Variants in RHNO1 observed in about 807,000 individuals in gnomAD.
RHNO1 encodes the protein RAD9-HUS1-RAD1 interacting nuclear orphan 1.
In RHNO1, 9 loss-of-function variants were observed where a neutral mutation model predicts 7.2. The observed-to-expected ratio is 1.25, with a 90% CI of 0.75 to 2.18. RHNO1 has a LOEUF of 2.18. RHNO1 is among the 30% of genes most tolerant of loss of function. RHNO1 has a pLI of 0.00. For missense variants in RHNO1, 292 were observed against 284.5 expected (o/e 1.03, Z -0.19); for synonymous variants, 95 against 107.5 (o/e 0.88, Z 0.72).
rs2098163853 is a variant in RHNO1 at position 2,885,275 on chromosome 12, C to T, written c.-84-8C>T. The T allele has an allele frequency of 3.2e-5, 36 of 1,125,824 alleles. No individual in the cohort carries two copies. The highest frequency in any genetic ancestry group is 6.3e-5 in the African/African-American group (4 of 63,234). The allele number at this position is 1,125,824 out of a possible 1,614,324, so 69.7% of individuals were successfully genotyped here. On this transcript the variant is annotated splice_polypyrimidine_tract_variant and splice_region_variant and intron_variant, in intron 1 of 2. Transcript: ENST00000489288. ...TATTTGCTCCCAGCTTTTGTTTCTT[C>T]TCTACAGGCATGGGTTGGAATTGGA...
chr12:2,884,085 G>A (rs1205376821), intron 1 of RHNO1, among the ~76,000 whole-genome samples: 3 of 151,768 alleles, frequency 2.0e-5, no homozygotes, highest in Non-Finnish European at 2.9e-5. Flanking sequence ...TTTTGGAGAC[G>A]AGTCTCGCTT....
chr12:2,884,971 A>T (rs1428013880), intron 1 of RHNO1, among the ~76,000 whole-genome samples: 3 of 152,168 alleles, frequency 2.0e-5, no homozygotes, highest in Non-Finnish European at 4.4e-5. Flanking sequence ...CCTTTGCTAG[A>T]CTTTCAGCTC....
intron 1 of RHNO1, among the ~76,000 whole-genome samples, chr12:2,879,739 T>C (rs571371613): frequency 4.0e-5 from 6 of 151,886 alleles, no homozygotes; most frequent in Non-Finnish European, 5.9e-5. Flanking sequence ...TATATAAATA[T>C]TGAAGTCATC....
At position 2,885,487 on chromosome 12, in the gene RHNO1, C is replaced by G; in HGVS notation, c.121C>G (p.Arg41Gly). 1 of 1,613,554 alleles carries G rather than the reference C, an allele frequency of 6.2e-7. No homozygotes were observed. The highest frequency in any genetic ancestry group is 8.5e-7 in the Non-Finnish European group (1 of 1,179,912). The change falls in exon 2 of 3, where the codon CGA becomes GGA. Residue 41 changes from arginine to glycine, a missense_variant. Transcript: ENST00000489288. ...ASTQLPITHT[R>G]QVPSKPIDHS... is the part of the protein sequence containing the mutation. ...TACACAGCTTCCCATCACTCACACT[C>G]GACAGGTGCCCAGCAAGCCCATTGA... is the stretch of plus-strand genomic sequence containing the variant.
chr12:2,878,303 A>AGCCACTGCACTCCAGCCTGGACTCCG (rs1565485076), intron 1 of RHNO1, among the ~76,000 whole-genome samples: 1 of 152,142 alleles, frequency 6.6e-6, no homozygotes, highest in African/African-American at 2.4e-5. Context: ...TTGGTGTGAG[A>AGCCACTGCACTCCAGCCTGGACTCCG]TCTGATGCCT....
chr12:2,884,999 C>A (rs1025570547), intron 1 of RHNO1, among the ~76,000 whole-genome samples: 2 of 152,186 alleles, frequency 1.3e-5, no homozygotes, highest in African/African-American at 2.4e-5. Context: ...CAGGGATGAC[C>A]TCTGTATCAC....
Position 2,888,613 on chromosome 12 carries a change from C to T in RHNO1, c.*154C>T, listed in dbSNP as rs190965459. Reference sequence around the variant, plus strand: ...TATGATCTCACCTTACTGCAACCACCACTTCCTGGGTTCAAGCGATTCTCC... The same window carrying T: ...TATGATCTCACCTTACTGCAACCACTACTTCCTGGGTTCAAGCGATTCTCC... On this transcript the variant is annotated 3_prime_UTR_variant, in exon 3 of 3. Coordinates refer to ENST00000489288, the MANE Select transcript of RHNO1 (RefSeq NM_001252499.3). 7.0e-5 allele frequency: 39 copies of T among 555,838 alleles called. No individual in the cohort carries two copies. The highest frequency in any genetic ancestry group is 6.6e-4 in the African/African-American group (35 of 53,212). The allele number at this position is 555,838 out of a possible 1,614,324, so 34.4% of individuals were successfully genotyped here.
At chr12:2,887,011 A>G (rs568984603) in intron 2 of RHNO1, 34 of 455,822 alleles carry the variant, frequency 7.5e-5, no homozygotes, top group African/African-American at 6.2e-4. Flanking sequence ...CAAGAACAAG[A>G]CCACTGGTCC....
intron 1 of RHNO1, chr12:2,878,090 T>A (rs887405231): frequency 6.6e-6 from 1 of 152,286 alleles, no homozygotes; most frequent in Non-Finnish European, 1.5e-5. Flanking sequence ...AAGGATCACC[T>A]GAGGCCGAGA....
At chr12:2,880,251 A>T (rs1156386586) in intron 1 of RHNO1, among the ~76,000 whole-genome samples, 1 of 152,078 alleles carries the variant, frequency 6.6e-6, no homozygotes. Context: ...GTGAGCTATG[A>T]TCGTGTCACT....
intron 1 of RHNO1, among the ~76,000 whole-genome samples, chr12:2,882,617 T>G (rs2098159374): frequency 6.6e-6 from 1 of 150,658 alleles, no homozygotes; most frequent in African/African-American, 2.5e-5. Context: ...GGTGGAGAAT[T>G]TCTTGAACTC....
At chr12:2,885,660 C>T (rs570374159) in intron 2 of RHNO1, 126 bp downstream of exon 2, 30 of 833,684 alleles carry the variant, frequency 3.6e-5, no homozygotes, top group South Asian at 6.0e-5. Flanking sequence ...CTGCAAGCTC[C>T]GCCTCCTGGG....
At chr12:2,876,957 T>A (rs1565482972), upstream of RHNO1, 1 of 151,922 alleles carries the variant, frequency 6.6e-6, no homozygotes, top group Admixed American at 6.6e-5. Flanking sequence ...AGGCCGTAGC[T>A]CCGAAGGCGG....
At chr12:2,887,635 G>A (rs2098167175) in intron 2 of RHNO1, among the ~76,000 whole-genome samples, 1 of 152,166 alleles carries the variant, frequency 6.6e-6, no homozygotes, top group Admixed American at 6.6e-5. Context: ...ACGTCGGAGT[G>A]AGACTCCATC....
chr12:2,877,147 T>G (rs2098146854), upstream of RHNO1: 1 of 152,048 alleles, frequency 6.6e-6, no homozygotes, highest in Non-Finnish European at 1.5e-5. Context: ...TTTGTTCCGC[T>G]GTTTGAAATT....
chr12:2,888,246 A>AC lies in RHNO1; in HGVS notation c.505dup (p.Leu169ProfsTer22), dbSNP rs1717021004. ...CAGAGTCATCGTCTGTGAAGGAAGA[A>AC]CTCATTCCCCAAGATCAGAAGGAAA... On this transcript the variant is annotated frameshift_variant, in exon 3 of 3. Transcript: ENST00000489288. LOFTEE classifies it low-confidence loss of function (END_TRUNC). 5 of 1,613,938 alleles carry AC rather than the reference A, an allele frequency of 3.1e-6. No individual in the cohort carries two copies. The highest frequency in any genetic ancestry group is 4.2e-6 in the Non-Finnish European group (5 of 1,180,014).
At chr12:2,883,399 G>A (rs1329769408) in intron 1 of RHNO1, among the ~76,000 whole-genome samples, 1 of 143,490 alleles carries the variant, frequency 7.0e-6, no homozygotes, top group African/African-American at 2.5e-5. Flanking sequence ...AAAGAAAATG[G>A]GAACACTGGC....
intron 1 of RHNO1, among the ~76,000 whole-genome samples, chr12:2,883,507 ATATATTTTTTTTTTTTT>A (rs1324549527): frequency 7.6e-5 from 2 of 26,236 alleles, no homozygotes; most frequent in African/African-American, 4.6e-4. Flanking sequence ...ATATATATAT[ATATATTTTTTTTTTTTT>A]TTTTTTTTTT....
chr12:2,887,928 T>C lies in RHNO1; in HGVS notation c.186T>C (p.Asp62=). 4 of 1,589,964 alleles carry C rather than the reference T, an allele frequency of 2.5e-6. No individual in the cohort carries two copies. The highest frequency in any genetic ancestry group is 3.4e-6 in the Non-Finnish European group (4 of 1,170,184). Residue 62 remains aspartate, a synonymous_variant, in exon 3 of 3, where the codon GAT becomes GAC. Transcript: ENST00000489288. The part of the protein sequence containing the change: ...TITSWVSPDF[D]TAAGSLFPAY... The stretch of plus-strand genomic sequence containing the variant: ...TTTTTAAGGTATCACCTGATTTTGA[T>C]ACAGCAGCAGGAAGCTTGTTCCCAG...
Sources: gnomAD v4.1 joint callset for allele counts (sites outside exome capture counted in the v4.1 genomes callset) on GRCh38, gnomAD v4.1.1 for gene constraint, MANE v1.5 for transcripts, NCBI Gene and HGNC (gene_info 2026-07-23, HGNC 2026-07-21) for gene names.